RGS6: variants seen among roughly 807,000 people sequenced by gnomAD.
RGS6 encodes the protein regulator of G protein signaling 6.
A neutral mutation model predicts 78.5 loss-of-function variants in RGS6; 30 were observed. The ratio of observed to expected loss-of-function variants is 0.38; its 90% CI spans 0.29 to 0.52. RGS6 has a LOEUF of 0.52. RGS6 is among the 20% of genes least tolerant of loss of function. The pLI is 0.85. For synonymous variants in RGS6, 206 were observed against 206.0 expected, an observed-to-expected ratio of 1.00 and a Z score of 0.00; for missense variants, 495 against 609.7, an observed-to-expected ratio of 0.81 and a Z score of 1.98.
chr14:72,522,830 G>C (rs535440009), intron 15 of RGS6, among the ~76,000 whole-genome samples: 44 of 152,338 alleles, frequency 2.9e-4, no homozygotes, highest in African/African-American at 1.0e-3. Flanking sequence ...ACATGGTCAT[G>C]AAAATTATTG....
the RGS6 span, among the ~76,000 whole-genome samples, chr14:72,609,045 C>T: frequency 8.3e-4 from 126 of 152,280 alleles, 1 homozygote; most frequent in African/African-American, 2.9e-3. Flanking sequence ...AGTTTTAAAG[C>T]CTTTTATTTG....
At chr14:72,244,820 A>G (rs888656741) in intron 2 of RGS6, among the ~76,000 whole-genome samples, 1 of 78,886 alleles carries the variant, frequency 1.3e-5, no homozygotes, top group African/African-American at 4.7e-5. Context: ...AATCAACTAA[A>G]AATTGGTCTT....
the RGS6 span, among the ~76,000 whole-genome samples, chr14:71,915,068 T>C: frequency 6.7e-6 from 1 of 149,092 alleles, no homozygotes; most frequent in South Asian, 2.1e-4. Context: ...GCCAACATGG[T>C]GAAACCCCGT....
chr14:72,555,510 G>GA (rs539929629), intron 17 of RGS6, among the ~76,000 whole-genome samples: 98 of 152,362 alleles, frequency 6.4e-4, no homozygotes, highest in African/African-American at 2.1e-3. Context: ...GGGAAGTTGA[G>GA]AAAATCACCC....
At chr14:72,446,018 G>A (rs2095354528) in intron 3 of RGS6, among the ~76,000 whole-genome samples, 1 of 152,126 alleles carries the variant, frequency 6.6e-6, no homozygotes, top group Admixed American at 6.5e-5. Context: ...CAGCACTTTG[G>A]GAGGCCAAGG....
intron 13 of RGS6, among the ~76,000 whole-genome samples, chr14:72,500,123 A>G (rs1338223808): frequency 2.6e-5 from 4 of 152,258 alleles, no homozygotes; most frequent in Non-Finnish European, 5.9e-5. Flanking sequence ...ATGGGGTCGC[A>G]TGGCCTATTG....
At chr14:72,439,153 T>A (rs1403573490) in intron 3 of RGS6, among the ~76,000 whole-genome samples, 1 of 152,252 alleles carries the variant, frequency 6.6e-6, no homozygotes. Context: ...ATTATTGCGC[T>A]GTTTTTCCTT....
intron 2 of RGS6, among the ~76,000 whole-genome samples, chr14:71,968,874 G>C (rs1175864788): frequency 6.6e-6 from 1 of 152,122 alleles, no homozygotes; most frequent in Non-Finnish European, 1.5e-5. Flanking sequence ...TGTGCACAAC[G>C]TGCAGGTTTG....
At chr14:72,540,850 C>T (rs972758070) in intron 17 of RGS6, 1 of 985,348 alleles carries the variant, frequency 1.0e-6, no homozygotes, top group Non-Finnish European at 1.2e-6. Flanking sequence ...TACGCCCCAG[C>T]TAGAGAGGTA....
chr14:72,537,547 C>G (rs1433215918), intron 16 of RGS6: 2 of 702,354 alleles, frequency 2.8e-6, no homozygotes, highest in South Asian at 3.0e-5. Context: ...CAGTGTGGAG[C>G]CTGGCCTCCT....
chr14:72,496,047 C>T (rs1220732135), intron 13 of RGS6, among the ~76,000 whole-genome samples: 6 of 152,112 alleles, frequency 3.9e-5, no homozygotes, highest in Non-Finnish European at 8.8e-5. Context: ...TTCACTTTTG[C>T]CCCTTTTCTG....
At chr14:71,978,884 A>G (rs975740545) in intron 2 of RGS6, among the ~76,000 whole-genome samples, 1 of 145,324 alleles carries the variant, frequency 6.9e-6, no homozygotes, top group African/African-American at 2.5e-5. Context: ...CTGTGAATCC[A>G]TCTGGTCCTG....
At chr14:72,006,045 A>G (rs1366034049) in intron 2 of RGS6, among the ~76,000 whole-genome samples, 1 of 152,136 alleles carries the variant, frequency 6.6e-6, no homozygotes, top group Admixed American at 6.5e-5. Flanking sequence ...CTTTGAGGCT[A>G]TAAAATTTAC....
intron 2 of RGS6, among the ~76,000 whole-genome samples, chr14:72,228,639 G>A (rs2153806434): frequency 6.6e-6 from 1 of 152,338 alleles, no homozygotes; most frequent in Middle Eastern, 3.4e-3. Flanking sequence ...ATTGAATGTA[G>A]CAATAGTAGT....
intron 2 of RGS6, among the ~76,000 whole-genome samples, chr14:72,226,929 C>A (rs7147823): frequency 0.06 from 9,079 of 152,196 alleles, 354 homozygotes; most frequent in East Asian, 0.17. Context: ...TCAAGTAATC[C>A]GCCCACCTTG....
intron 3 of RGS6, among the ~76,000 whole-genome samples, chr14:72,437,016 A>AT (rs1282059358): frequency 1.3e-5 from 2 of 151,896 alleles, no homozygotes; most frequent in African/African-American, 4.8e-5. Flanking sequence ...GTTCTGTTTC[A>AT]TTTTTTTATT....
chr14:72,455,669 T>A (rs1478900628), intron 4 of RGS6, among the ~76,000 whole-genome samples: 2 of 152,176 alleles, frequency 1.3e-5, no homozygotes, highest in East Asian at 3.8e-4. Context: ...CTAGTCAAGT[T>A]CTTGATTCAC....
chr14:71,972,653 G>A (rs1003049308), intron 2 of RGS6, among the ~76,000 whole-genome samples: 1 of 152,142 alleles, frequency 6.6e-6, no homozygotes. Flanking sequence ...GAAGGGTTCG[G>A]TGTGGAGGGA....
chr14:72,210,261 G>A (rs2043768496), intron 2 of RGS6, among the ~76,000 whole-genome samples: 1 of 152,218 alleles, frequency 6.6e-6, no homozygotes. Context: ...ATTCAGAGAA[G>A]GATGAGAGAT....
Sources: gnomAD v4.1 joint callset for allele counts (sites outside exome capture counted in the v4.1 genomes callset) on GRCh38, gnomAD v4.1.1 for gene constraint, MANE v1.5 for transcripts, NCBI Gene and HGNC (gene_info 2026-07-23, HGNC 2026-07-21) for gene names.